Variants in ASAP1 observed in about 807,000 individuals in gnomAD.
ASAP1 encodes the protein arf-GAP with SH3 domain, ANK repeat and PH domain-containing protein 1.
ASAP1 carries 43 observed loss-of-function variants against 145.2 expected under a neutral mutation model. The observed-to-expected ratio is 0.30, with a 90% CI of 0.23 to 0.38. ASAP1 has a LOEUF of 0.38. ASAP1 is among the 10% of genes least tolerant of loss of function. The pLI, the probability that ASAP1 is intolerant of heterozygous loss-of-function variation, is 1.00. For synonymous variants in ASAP1, 546 were observed against 515.5 expected, an observed-to-expected ratio of 1.06 and a Z score of -0.80; for missense variants, 1,018 against 1,355.3, an observed-to-expected ratio of 0.75 and a Z score of 3.91.
chr8:130,347,955 C>T (rs1262069396), intron 3 of ASAP1, among the ~76,000 whole-genome samples: 1 of 152,186 alleles, frequency 6.6e-6, no homozygotes, highest in African/African-American at 2.4e-5. Context: ...GGACCTCTTA[C>T]AATAAAACAG....
In ASAP1 at chr8:130,166,276, T is replaced by C. The variant is rs144334813; in HGVS notation, c.909+1260A>G. Among the ~76,000 whole-genome samples the C allele has an allele frequency of 6.8e-3, 1,031 of 152,318 alleles. 13 individuals are homozygous for C. The highest frequency in any genetic ancestry group is 0.024 in the African/African-American group (998 of 41,572). On this transcript the variant is annotated intron_variant, in intron 11 of 29. Coordinates refer to ENST00000518721, the MANE Select transcript of ASAP1 (RefSeq NM_018482.4). ...CTCCCACCTTGGCCTCCCAAAATGT[T>C]TGGATTACAGGCATGAGCCACTGCT...
chr8:130,170,346 G>C (rs1813501935), intron 9 of ASAP1, among the ~76,000 whole-genome samples: 1 of 152,048 alleles, frequency 6.6e-6, no homozygotes, highest in African/African-American at 2.4e-5. Flanking sequence ...GTAGAGACAG[G>C]GTTTCACCAA....
intron 3 of ASAP1, among the ~76,000 whole-genome samples, chr8:130,288,048 C>A (rs1365259472): frequency 6.6e-6 from 1 of 152,194 alleles, no homozygotes; most frequent in Non-Finnish European, 1.5e-5. Context: ...GTGCTCTAGT[C>A]CGACTCCTGC....
intron 24 of ASAP1, among the ~76,000 whole-genome samples, chr8:130,094,759 G>A (rs1168061455): frequency 6.6e-6 from 1 of 152,176 alleles, no homozygotes; most frequent in South Asian, 2.1e-4. Context: ...CCTGTGCTTG[G>A]CATATGAGGA....
intron 3 of ASAP1, among the ~76,000 whole-genome samples, chr8:130,326,358 G>A (rs1051906009): frequency 4.6e-5 from 7 of 152,202 alleles, no homozygotes; most frequent in Non-Finnish European, 8.8e-5. Flanking sequence ...CAATGTAAGG[G>A]CCACACTTTC....
At chr8:130,249,779 C>T (rs932235067) in intron 3 of ASAP1, among the ~76,000 whole-genome samples, 1 of 151,898 alleles carries the variant, frequency 6.6e-6, no homozygotes, top group African/African-American at 2.4e-5. Flanking sequence ...GGCCCTGCAC[C>T]CCAGGGTGTA....
chr8:130,179,163 A>T, intron 9 of ASAP1, 101 bp downstream of exon 9: 2 of 658,308 alleles, frequency 3.0e-6, no homozygotes, highest in Non-Finnish European at 5.2e-6. Context: ...CACTTTATTT[A>T]GTCACGAGAT....
chr8:130,093,836 A>G (rs1276704405), intron 24 of ASAP1, among the ~76,000 whole-genome samples: 1 of 152,102 alleles, frequency 6.6e-6, no homozygotes, highest in Non-Finnish European at 1.5e-5. Flanking sequence ...GGTACAAAGT[A>G]AGCTTTCCTA....
chr8:130,159,836 T>C, intron 12 of ASAP1, 28 bp downstream of exon 12: 3 of 1,558,832 alleles, frequency 1.9e-6, no homozygotes, highest in Non-Finnish European at 2.7e-6. Context: ...AATCACACAC[T>C]GAGACACTGG....
At chr8:130,088,911 C>T (rs574840674) in intron 25 of ASAP1, among the ~76,000 whole-genome samples, 10 of 152,334 alleles carry the variant, frequency 6.6e-5, no homozygotes, top group African/African-American at 2.4e-4. Context: ...AGCTTTGGCA[C>T]TGAACATTTC....
chr8:130,193,338 C>T (rs1160555919), intron 5 of ASAP1, among the ~76,000 whole-genome samples: 1 of 151,734 alleles, frequency 6.6e-6, no homozygotes, highest in East Asian at 1.9e-4. Flanking sequence ...CACTGCACTC[C>T]AGCCTGGGTG....
At chr8:130,129,377 T>A (rs1345158453) in intron 15 of ASAP1, among the ~76,000 whole-genome samples, 1 of 152,224 alleles carries the variant, frequency 6.6e-6, no homozygotes, top group African/African-American at 2.4e-5. Context: ...TCTGAGTGAT[T>A]TTCTATAGAA....
intron 5 of ASAP1, among the ~76,000 whole-genome samples, chr8:130,192,778 C>T (rs755759124): frequency 2.6e-5 from 4 of 152,166 alleles, no homozygotes; most frequent in Non-Finnish European, 5.9e-5. Flanking sequence ...TCAATATGCT[C>T]ACTGCTATAT....
At position 130,054,813 on chromosome 8, in the gene ASAP1, G is replaced by A; in HGVS notation, c.3316-8C>T. 6.2e-7 allele frequency: 1 copy of A among 1,612,094 alleles called. No homozygotes were observed. Among genetic ancestry groups the A allele is most frequent in the Non-Finnish European group, 8.5e-7 (1 of 1,178,320 alleles). On this transcript the variant is annotated splice_polypyrimidine_tract_variant and splice_region_variant and intron_variant, in intron 29 of 29. Transcript: ENST00000518721. ...TCCTTCGATGTGGCCAATCTGCAGG[G>A]AGAAAAGAGAGTGGTCAGGATGGAG...
chr8:130,279,506 G>T (rs1821127877), intron 3 of ASAP1, among the ~76,000 whole-genome samples: 1 of 152,190 alleles, frequency 6.6e-6, no homozygotes. Context: ...AATCATAAAA[G>T]CAGCATAGTG....
intron 2 of ASAP1, among the ~76,000 whole-genome samples, chr8:130,396,500 T>A (rs971480695): frequency 5.3e-5 from 8 of 152,250 alleles, no homozygotes; most frequent in Non-Finnish European, 1.0e-4. Flanking sequence ...AACAACCAGT[T>A]GAATTTTAAA....
chr8:130,099,387 A>T (rs1030411790), intron 24 of ASAP1, among the ~76,000 whole-genome samples: 1 of 151,952 alleles, frequency 6.6e-6, no homozygotes, highest in Non-Finnish European at 1.5e-5. Flanking sequence ...TCACCATGTT[A>T]GCCAGGATGG....
chr8:130,242,515 T>C (rs1466816265), intron 3 of ASAP1, among the ~76,000 whole-genome samples: 1 of 152,054 alleles, frequency 6.6e-6, no homozygotes, highest in Admixed American at 6.6e-5. Context: ...CTTGAGCTTG[T>C]TGGGCAATCA....
rs780304932 is a variant in ASAP1, at chr8:130,070,820, AGG to A, written c.2701+5526_2701+5527del. 7.2e-4 allele frequency among the ~76,000 whole-genome samples: 45 copies of A among 62,784 alleles called. 3 individuals are homozygous for A. The highest frequency in any genetic ancestry group is 2.1e-3 in the East Asian group (3 of 1,436). The allele number at this position is 62,784 out of a possible 152,430, so 41.2% of individuals were successfully genotyped here. A position where few individuals can be genotyped will look rare whatever the true frequency, so the allele number is the denominator to read the frequency against. On this transcript the variant is annotated intron_variant, in intron 27 of 29. Transcript: ENST00000518721. ...GAGGAGATACTCCTTGAGGGGAGAGAGGGAGAGAGGGAGAGAGAGGGAGAGAG... is the reference window on the plus strand; with the variant it reads ...GAGGAGATACTCCTTGAGGGGAGAGAGAGAGAGGGAGAGAGAGGGAGAGAG...
Sources: allele counts gnomAD v4.1 joint callset (sites outside exome capture counted in the v4.1 genomes callset), GRCh38; gene constraint gnomAD v4.1.1; transcripts MANE v1.5; gene names NCBI Gene and HGNC (gene_info 2026-07-23, HGNC 2026-07-21).